Variants in PZP observed in about 807,000 individuals in gnomAD.
The protein encoded by PZP is PZP alpha-2-macroglobulin like.
In PZP, 150 loss-of-function variants were observed where a neutral mutation model predicts 179.8. That is an observed-to-expected ratio of 0.83 (90% confidence interval 0.73 to 0.96). The LOEUF (loss-of-function observed/expected upper bound fraction) is 0.96, where lower values mean the gene tolerates loss of function less well. Among genes scored for constraint, PZP ranks in the 40% least tolerant of loss-of-function variants. The probability of loss-of-function intolerance (pLI) is 0.00; values close to 1 mark genes in which losing one functional copy is unlikely to be tolerated. For missense variants in PZP, 1,689 were observed against 1,764.0 expected (o/e 0.96, Z 0.76); for synonymous variants, 624 against 652.3 (o/e 0.96, Z 0.66).
chr12:9,197,720 T>TATATATAATTATATATTATACAATACATA (rs1943898681), intron 7 of PZP, among the ~76,000 whole-genome samples: 1 of 86,400 alleles, frequency 1.2e-5, no homozygotes, highest in Admixed American at 2.0e-4. Context: ...CAATACATAA[T>TATATATAATTATATATTATACAATACATA]ATATATAATT....
intron 13 of PZP, among the ~76,000 whole-genome samples, chr12:9,184,455 G>A (rs1333252416): frequency 2.0e-5 from 3 of 152,142 alleles, no homozygotes; most frequent in Non-Finnish European, 4.4e-5. Flanking sequence ...GTTGCTAGTG[G>A]GGATCCCCCA....
chr12:9,153,354 C>A lies in PZP; in HGVS notation c.3775-11G>T, dbSNP rs377592811. ...AGCCACCACTGTGTCCTGGAAGAGA[C>A]GAGTGGACAACCGCCCCAAAGAGTA... On this transcript the variant is annotated splice_polypyrimidine_tract_variant and intron_variant, in intron 29 of 35. Transcript: ENST00000261336. The A allele has an allele frequency of 2.1e-5, 33 of 1,605,102 alleles. No individual in the cohort carries two copies. Among genetic ancestry groups the A allele is most frequent in the Non-Finnish European group, 2.4e-5 (28 of 1,172,988 alleles).
Position 9,181,118 on chromosome 12 carries a change from G to A in PZP, c.1704C>T (p.Phe568=), listed in dbSNP as rs1565648324. ...AGGCTGGGGGACTTTGTGCTGGGCT[G>A]AAGCTCAAATCCACCTGTGGGAAAT... ...NCLANKVDLS[F]SPAQSPPASH... The change falls in exon 15 of 36, where the codon TTC becomes TTT. Residue 568 remains phenylalanine, a synonymous_variant. Transcript: ENST00000261336. 1.9e-6 allele frequency: 3 copies of A among 1,613,968 alleles called. No homozygotes were observed. The highest frequency in any genetic ancestry group is 1.3e-5 in the African/African-American group (1 of 74,932).
chr12:9,189,592 A>G (rs1208142076), intron 13 of PZP, among the ~76,000 whole-genome samples: 1 of 152,246 alleles, frequency 6.6e-6, no homozygotes, highest in African/African-American at 2.4e-5. Context: ...CAAAGATTTC[A>G]TGAAGAAGAC....
chr12:9,190,506 C>T (rs1207590568), intron 13 of PZP, among the ~76,000 whole-genome samples: 4 of 151,052 alleles, frequency 2.6e-5, no homozygotes, highest in African/African-American at 7.3e-5. Flanking sequence ...GGGTGGAGGG[C>T]GGGAGGAGGG....
rs74943785 is a variant in PZP, at chr12:9,170,881, C to T, written c.1840-1290G>A. The stretch of plus-strand genomic sequence containing the variant: ...CCGAGCTCCTGGGGGGCAGGGGTGT[C>T]TGCCATCTCTGCAGTTTGGTTGACT... On this transcript the variant is annotated intron_variant, in intron 15 of 35. Coordinates refer to ENST00000261336, the MANE Select transcript of PZP (RefSeq NM_002864.3). This position sits in a 1 kb window ranked among gnomAD's most constrained non-coding sequence, Gnocchi z 4.6. Among the ~76,000 whole-genome samples the T allele has an allele frequency of 0.082, 12,434 of 152,170 alleles. 691 individuals are homozygous for T. Among genetic ancestry groups the T allele is most frequent in the African/African-American group, 0.16 (6,446 of 41,480 alleles).
chr12:9,183,752 G>A (rs1232395759), intron 13 of PZP, among the ~76,000 whole-genome samples: 1 of 152,156 alleles, frequency 6.6e-6, no homozygotes, highest in Non-Finnish European at 1.5e-5. Flanking sequence ...ATTAAAAATT[G>A]TTATAACTCT....
In PZP at chr12:9,181,989, A is replaced by G. The variant is rs760900255; in HGVS notation, c.1675T>C (p.Cys559Arg). 1 of 1,613,748 alleles carries G rather than the reference A, an allele frequency of 6.2e-7. No individual in the cohort carries two copies. The highest frequency in any genetic ancestry group is 8.5e-7 in the Non-Finnish European group (1 of 1,179,864). The change falls in exon 14 of 36, where the codon TGT becomes CGT. Residue 559 changes from cysteine to arginine, a missense_variant. By Grantham distance (180) the Cys-to-Arg change is radical. This residue lies in a region of PZP where 742 missense variants were observed against 730.5 expected (regional missense o/e 1.02). Transcript: ENST00000261336. Reference sequence around the variant, plus strand: ...AAATCGCTCACCTTGTTGGCTAGACAGTTTTCAATCTCAAATTTTTCAGAG... The same window carrying G: ...AAATCGCTCACCTTGTTGGCTAGACGGTTTTCAATCTCAAATTTTTCAGAG... ...GDSEKFEIENCLANKVDLSFS... is the reference protein window; with the variant it reads ...GDSEKFEIENRLANKVDLSFS...
chr12:9,150,921 C>G (rs1003048615), intron 33 of PZP, among the ~76,000 whole-genome samples, 175 bp from the exon 34 acceptor site: 6 of 152,180 alleles, frequency 3.9e-5, no homozygotes, highest in Non-Finnish European at 7.3e-5. Context: ...TATTTACAGT[C>G]AACAAATTTT....
the PZP span, among the ~76,000 whole-genome samples, chr12:9,137,986 C>A: frequency 6.6e-6 from 1 of 151,978 alleles, no homozygotes; most frequent in African/African-American, 2.4e-5. Flanking sequence ...TTATCTCTTC[C>A]TTTCTGATTT....
At chr12:9,160,624 C>A in intron 23 of PZP, 134 bp from the exon 24 acceptor site, 1 of 814,096 alleles carries the variant, frequency 1.2e-6, no homozygotes, top group Non-Finnish European at 1.9e-6. Context: ...AGTGTGACTT[C>A]CAGAATCCTA....
rs1341548765 is a variant in PZP at position 9,163,667 on chromosome 12, C to T, written c.2736+1G>A. The T allele has an allele frequency of 1.2e-6, 2 of 1,612,920 alleles. No individual in the cohort carries two copies. Among genetic ancestry groups the T allele is most frequent in the African/African-American group, 1.3e-5 (1 of 74,990 alleles). The stretch of plus-strand genomic sequence containing the variant: ...GTTAGGGACTCCCAAAAATATGTTA[C>T]CTCCACCAACAGGGTTTTGATGACT... On this transcript the variant is annotated splice_donor_variant, in intron 21 of 35. Coordinates refer to ENST00000261336, the MANE Select transcript of PZP (RefSeq NM_002864.3). LOFTEE classifies it high-confidence loss of function.
rs115286532 is a variant in PZP at position 9,196,970 on chromosome 12, T to C, written c.867+42A>G. The C allele has an allele frequency of 1.7e-3, 2,330 of 1,405,880 alleles. 25 individuals are homozygous for C. The African/African-American group carries it at 0.029, about 18-fold the overall frequency. The allele number at this position is 1,405,880 out of a possible 1,614,324, so 87.1% of individuals were successfully genotyped here. ...GTTAGTAAAATGGAGTCTCACTGGT[T>C]GTAAACAGTGATAGCACTGAGGGAG... is the stretch of plus-strand genomic sequence containing the variant. On this transcript the variant is annotated intron_variant, in intron 8 of 35. Transcript: ENST00000261336.
intron 10 of PZP, among the ~76,000 whole-genome samples, chr12:9,194,537 T>C (rs1009595907): frequency 3.4e-5 from 5 of 145,762 alleles, no homozygotes; most frequent in Admixed American, 2.9e-4. Context: ...CGATCTCGGC[T>C]CACTGCAAGC....
At position 9,152,294 on chromosome 12, in the gene PZP, G is replaced by A. The variant is rs1465110044; in HGVS notation, c.4138C>T (p.Pro1380Ser). The A allele has an allele frequency of 6.2e-7, 1 of 1,612,892 alleles. No individual in the cohort carries two copies. Among genetic ancestry groups the A allele is most frequent in the African/African-American group, 1.3e-5 (1 of 74,862 alleles). Residue 1380 changes from proline to serine, a missense_variant, in exon 32 of 36, where the codon CCT becomes TCT. Coordinates refer to ENST00000261336, the MANE Select transcript of PZP (RefSeq NM_002864.3). ...TCAACAATCACCATATTGGAAGCAG[G>A]ACGGTTTCCTGTGTAACTGTAGTGT... Reference protein sequence around the residue: ...SLTISYTGNRPASNMVIVDVK... With the variant: ...SLTISYTGNRSASNMVIVDVK...
chr12:9,169,336 G>A (rs1471261559), intron 16 of PZP, 94 bp downstream of exon 16: 4 of 1,207,760 alleles, frequency 3.3e-6, no homozygotes, highest in Admixed American at 2.6e-5. Flanking sequence ...GAGAGGCAAG[G>A]CTACATAATT....
rs1275796590 is a variant in PZP at position 9,181,037 on chromosome 12, A to G, written c.1785T>C (p.Ala595=). Residue 595 remains alanine, a synonymous_variant, in exon 15 of 36, where the codon GCT becomes GCC. Coordinates refer to ENST00000261336, the MANE Select transcript of PZP (RefSeq NM_002864.3). The part of the protein sequence containing the change: ...AAPQSLCALR[A]VDQSVLLMKP... Reference sequence around the variant, plus strand: ...TCATGAGCAGCACACTTTGGTCCACAGCACGAAGGGCACAGAGGGACTGCG... The same window carrying G: ...TCATGAGCAGCACACTTTGGTCCACGGCACGAAGGGCACAGAGGGACTGCG... 1.9e-6 allele frequency: 3 copies of G among 1,614,208 alleles called. No individual in the cohort carries two copies. Among genetic ancestry groups the G allele is most frequent in the Non-Finnish European group, 2.5e-6 (3 of 1,180,024 alleles).
At chr12:9,153,841 C>A (rs1675415016) in intron 29 of PZP, among the ~76,000 whole-genome samples, 1 of 152,114 alleles carries the variant, frequency 6.6e-6, no homozygotes, top group Admixed American at 6.5e-5. Flanking sequence ...TGAAAGAAGA[C>A]ATGTAGGAGG....
At chr12:9,175,708 G>C (rs1418814848) in intron 15 of PZP, among the ~76,000 whole-genome samples, 1 of 152,144 alleles carries the variant, frequency 6.6e-6, no homozygotes, top group Non-Finnish European at 1.5e-5. Context: ...ATGAAGAAAA[G>C]CTCAACATCA....
Sources: gnomAD v4.1 joint callset for allele counts (sites outside exome capture counted in the v4.1 genomes callset) on GRCh38, gnomAD v4.1.1 for gene constraint, gnomAD v4.1.1 regional missense constraint, Gnocchi (gnomAD v3.1) non-coding constraint, MANE v1.5 for transcripts, NCBI Gene and HGNC (gene_info 2026-07-23, HGNC 2026-07-21) for gene names.